Variants in SYNE2 observed in about 807,000 individuals in gnomAD.
The protein encoded by SYNE2 is nesprin-2.
A neutral mutation model predicts 856.3 loss-of-function variants in SYNE2; 431 were observed. That is an observed-to-expected ratio of 0.50 (90% CI 0.47 to 0.55). The LOEUF (loss-of-function observed/expected upper bound fraction) is 0.55. Among genes scored for constraint, SYNE2 ranks in the 20% least tolerant of loss-of-function variants. The probability of loss-of-function intolerance (pLI) is 0.00; values close to 1 mark genes in which losing one functional copy is unlikely to be tolerated. For missense variants in SYNE2, 8,129 were observed against 8,023.2 expected, an observed-to-expected ratio of 1.01 and a Z score of -0.50; for synonymous variants, 2,923 against 2,872.3, an observed-to-expected ratio of 1.02 and a Z score of -0.56.
intron 53 of SYNE2, among the ~76,000 whole-genome samples, chr14:64,074,724 C>T (rs761848556): frequency 6.6e-5 from 10 of 152,070 alleles, no homozygotes; most frequent in Non-Finnish European, 8.8e-5. Flanking sequence ...GGGGAAACTC[C>T]GTCTCTACTA....
chr14:63,988,903 C>A (rs78141452), intron 19 of SYNE2, among the ~76,000 whole-genome samples: 1 of 152,278 alleles, frequency 6.6e-6, no homozygotes, highest in East Asian at 1.9e-4. Flanking sequence ...TCTCACAACT[C>A]GTGGGAATTC....
chr14:63,928,383 AC>A (rs2095699407), intron 2 of SYNE2, among the ~76,000 whole-genome samples: 1 of 152,224 alleles, frequency 6.6e-6, no homozygotes, highest in African/African-American at 2.4e-5. Context: ...ATGGTTGCTC[AC>A]TGTGTTTATC....
At position 64,024,410 on chromosome 14, in the gene SYNE2, T is replaced by C; in HGVS notation, c.5791T>C (p.Cys1931Arg). The change falls in exon 39 of 116, where the codon TGC becomes CGC. Residue 1931 changes from cysteine (C) to arginine (R), a missense_variant. Around this residue, in one of 3 missense-constraint regions of SYNE2, gnomAD observed 2,422 missense variants for 2,357.4 expected, o/e 1.03. Coordinates refer to ENST00000555002, the MANE Select transcript of SYNE2 (RefSeq NM_182914.3). ...EFELEKMESI[C>R]QARAKELEDS... The stretch of plus-strand genomic sequence containing the variant: ...CGAATTAGAAAAAATGGAGTCCATA[T>C]GCCAGGCTCGAGCAAAGGAGCTTGA... 1 of 1,614,130 alleles carries C rather than the reference T, an allele frequency of 6.2e-7. No individual in the cohort carries two copies. The highest frequency in any genetic ancestry group is 8.5e-7 in the Non-Finnish European group (1 of 1,179,990).
At chr14:63,885,181 C>CT (rs2094954525) in intron 1 of SYNE2, among the ~76,000 whole-genome samples, 1 of 152,088 alleles carries the variant, frequency 6.6e-6, no homozygotes, top group Admixed American at 6.6e-5. Flanking sequence ...GCCATCTAGG[C>CT]CCAACTTAGG....
chr14:64,023,860 C>T, intron 38 of SYNE2: 1 of 219,050 alleles, frequency 4.6e-6, no homozygotes, highest in Non-Finnish European at 9.2e-6. Context: ...TGCTTGTTTG[C>T]CTTTAATTTT....
intron 52 of SYNE2, among the ~76,000 whole-genome samples, chr14:64,071,798 C>T (rs781429439): frequency 6.6e-6 from 1 of 152,128 alleles, no homozygotes; most frequent in Non-Finnish European, 1.5e-5. Flanking sequence ...GGATGGATCA[C>T]CTGAGGTCAG....
At chr14:64,042,053 T>C (rs2097152806) in intron 45 of SYNE2, among the ~76,000 whole-genome samples, 1 of 152,190 alleles carries the variant, frequency 6.6e-6, no homozygotes, top group Middle Eastern at 3.2e-3. Context: ...CAAGGGTATA[T>C]ATCACAGCAC....
chr14:63,799,879 C>T (rs1433970689), intron 1 of SYNE2, among the ~76,000 whole-genome samples: 1 of 152,118 alleles, frequency 6.6e-6, no homozygotes, highest in Non-Finnish European at 1.5e-5. Flanking sequence ...CTTTCTTTCG[C>T]TCTAATAGAA....
chr14:64,168,238 G>A (rs1482651563), intron 92 of SYNE2, among the ~76,000 whole-genome samples: 4 of 152,120 alleles, frequency 2.6e-5, no homozygotes, highest in African/African-American at 9.7e-5. Context: ...CGAGTAGCTG[G>A]GACTATAGGC....
intron 73 of SYNE2, among the ~76,000 whole-genome samples, chr14:64,127,610 G>A (rs115640751): frequency 0.028 from 4,315 of 152,190 alleles, 223 homozygotes; most frequent in African/African-American, 0.099. Context: ...ATGACAATCC[G>A]TGTATGTTTC....
intron 1 of SYNE2, among the ~76,000 whole-genome samples, chr14:63,813,121 T>C (rs1028306568): frequency 2.6e-5 from 4 of 152,124 alleles, no homozygotes; most frequent in African/African-American, 7.2e-5. Flanking sequence ...TTTTTAAAAG[T>C]GTAAAATTTT....
intron 11 of SYNE2, among the ~76,000 whole-genome samples, chr14:63,969,181 T>C (rs1448440486): frequency 1.3e-5 from 2 of 151,208 alleles, no homozygotes; most frequent in Non-Finnish European, 3.0e-5. Flanking sequence ...TTTTTTTTTT[T>C]TTTTTTGAGA....
At chr14:64,027,423 C>T in intron 42 of SYNE2, 61 bp from the exon 43 acceptor site, 1 of 1,103,288 alleles carries the variant, frequency 9.1e-7, no homozygotes, top group South Asian at 1.4e-5. Context: ...ACATAATATG[C>T]AAAATGCTAG....
At chr14:63,964,132 A>C in intron 10 of SYNE2, 132 bp downstream of exon 10, 1 of 642,308 alleles carries the variant, frequency 1.6e-6, no homozygotes, top group Non-Finnish European at 2.7e-6. Context: ...GCTGAATTCT[A>C]GGACTGTACT....
chr14:64,210,722 A>T (rs1369847488), intron 103 of SYNE2, among the ~76,000 whole-genome samples: 1 of 152,230 alleles, frequency 6.6e-6, no homozygotes, highest in Admixed American at 6.5e-5. Context: ...AAGGACTGTC[A>T]CAGGCAGGGA....
upstream of SYNE2, among the ~76,000 whole-genome samples, chr14:63,852,467 A>T (rs570468858): frequency 6.6e-6 from 1 of 152,280 alleles, no homozygotes; most frequent in East Asian, 1.9e-4. Context: ...GAACCCAGTT[A>T]TCTGCATTAA....
intron 92 of SYNE2, among the ~76,000 whole-genome samples, 168 bp from the exon 93 acceptor site, chr14:64,168,709 G>A (rs1012879535): frequency 6.6e-6 from 1 of 152,162 alleles, no homozygotes; most frequent in African/African-American, 2.4e-5. Context: ...ATATTCGTAG[G>A]TGATGTTGAT....
chr14:64,182,695 T>C (rs1051591746), intron 96 of SYNE2, among the ~76,000 whole-genome samples: 2 of 152,118 alleles, frequency 1.3e-5, no homozygotes, highest in Non-Finnish European at 2.9e-5. Context: ...TCAGAGAGCA[T>C]GGGGTTGGGG....
intron 73 of SYNE2, among the ~76,000 whole-genome samples, chr14:64,127,308 C>A (rs997846131): frequency 8.6e-5 from 13 of 151,876 alleles, no homozygotes; most frequent in Non-Finnish European, 1.3e-4. Context: ...AGCGTAGTAG[C>A]TCATGCCTGT....
Sources: allele counts gnomAD v4.1 joint callset (sites outside exome capture counted in the v4.1 genomes callset), GRCh38; gene constraint gnomAD v4.1.1; regional missense constraint gnomAD v4.1.1; transcripts MANE v1.5; gene names NCBI Gene and HGNC (gene_info 2026-07-23, HGNC 2026-07-21).